The following ANKRD28 variants were observed in gnomAD, a reference collection of about 807,000 sequenced individuals.
The protein encoded by ANKRD28 is serine/threonine-protein phosphatase 6 regulatory ankyrin repeat subunit A.
ANKRD28 carries 44 observed loss-of-function variants against 126.5 expected under a neutral mutation model. The observed-to-expected ratio is 0.35, with a 90% CI of 0.27 to 0.45. The LOEUF (loss-of-function observed/expected upper bound fraction) is 0.45. Ranked by LOEUF, ANKRD28 falls within the 20% of genes least tolerant of loss-of-function variation. The pLI is 1.00. For missense variants in ANKRD28, 1,110 were observed against 1,316.6 expected (o/e 0.84, Z 2.43); for synonymous variants, 442 against 468.5 (o/e 0.94, Z 0.73).
rs772230448 is a variant in ANKRD28, at chr3:15,816,418, G to C, written c.28-21112C>G. Among the ~76,000 whole-genome samples the C allele has an allele frequency of 9.2e-5, 14 of 151,852 alleles. No homozygotes were observed. Among genetic ancestry groups the C allele is most frequent in the Non-Finnish European group, 1.8e-4 (12 of 67,972 alleles). On this transcript the variant is annotated intron_variant, in intron 1 of 27. Coordinates refer to the ANKRD28 transcript ENST00000399451. The surrounding 1 kb of genome is among the most constrained non-coding windows in gnomAD (Gnocchi z 5.0). ...TTCCTTTTCCCTGATTTGTAATATG[G>C]GGTTATTAAGACCAGCTTAAGTTAA... is the stretch of plus-strand genomic sequence containing the variant.
intron 14 of ANKRD28, among the ~76,000 whole-genome samples, chr3:15,699,642 C>G (rs2070250675): frequency 6.6e-6 from 1 of 152,214 alleles, no homozygotes; most frequent in African/African-American, 2.4e-5. Context: ...AAATGCTCAT[C>G]ATCACTGGTC....
At chr3:15,705,197 C>T (rs1185853689) in intron 14 of ANKRD28, among the ~76,000 whole-genome samples, 2 of 152,116 alleles carry the variant, frequency 1.3e-5, no homozygotes, top group African/African-American at 4.8e-5. Context: ...TTGCTCAAAA[C>T]CGTTTATATT....
rs1455610788 is a variant in ANKRD28, at chr3:15,846,765, G to GA, written c.27+12611dup. 6.6e-6 allele frequency among the ~76,000 whole-genome samples: 1 copy of GA among 152,182 alleles called. No homozygotes were observed. On this transcript the variant is annotated intron_variant, in intron 1 of 27. Transcript: ENST00000399451. The surrounding 1 kb of genome is among the most constrained non-coding windows in gnomAD (Gnocchi z 5.4). ...GAGGAGGCTGGAGACAACCCAGGCTGAAAGAAGTTCAGTTCTCTTTGACCC... is the reference window on the plus strand; with the variant it reads ...GAGGAGGCTGGAGACAACCCAGGCTGAAAAGAAGTTCAGTTCTCTTTGACCC...
At chr3:15,736,954 T>A (rs2125134225) in intron 5 of ANKRD28, 79 bp downstream of exon 5, 1 of 1,433,632 alleles carries the variant, frequency 7.0e-7, no homozygotes, top group Non-Finnish European at 9.7e-7. Flanking sequence ...GCCTTTACTA[T>A]GCAAAAATGC....
chr3:15,819,203 G>A (rs2060892195), intron 1 of ANKRD28, among the ~76,000 whole-genome samples: 1 of 152,158 alleles, frequency 6.6e-6, no homozygotes, highest in Non-Finnish European at 1.5e-5. Context: ...GCTTGAGCCT[G>A]GGAGGTCAAA....
chr3:15,790,534 T>A (rs2059979318), intron 2 of ANKRD28, among the ~76,000 whole-genome samples: 1 of 151,946 alleles, frequency 6.6e-6, no homozygotes, highest in South Asian at 2.1e-4. Context: ...AAATAAAGAA[T>A]AACCATATGA....
intron 1 of ANKRD28, among the ~76,000 whole-genome samples, chr3:15,813,031 G>T (rs1332123084): frequency 6.8e-6 from 1 of 147,286 alleles, no homozygotes; most frequent in Non-Finnish European, 1.5e-5. Flanking sequence ...CAACATAACA[G>T]CTTTTTAATC....
upstream of ANKRD28, among the ~76,000 whole-genome samples, chr3:15,802,272 C>A (rs1258882163): frequency 6.6e-6 from 1 of 152,142 alleles, no homozygotes; most frequent in Non-Finnish European, 1.5e-5. Context: ...CAAACAAGGA[C>A]CATAGTCTAG....
Position 15,817,885 on chromosome 3 carries a change from G to GA in ANKRD28, c.28-22580dup, listed in dbSNP as rs2060865042. Among the ~76,000 whole-genome samples, 1 of 152,032 alleles carries GA rather than the reference G, an allele frequency of 6.6e-6. No individual in the cohort carries two copies. Among genetic ancestry groups the GA allele is most frequent in the Non-Finnish European group, 1.5e-5 (1 of 68,008 alleles). On this transcript the variant is annotated intron_variant, in intron 1 of 27. Transcript: ENST00000399451. The surrounding 1 kb of genome is among the most constrained non-coding windows in gnomAD (Gnocchi z 4.5). ...GATTGTCTTTATAGAAGATTCCATG[G>GA]AATCTATTAAAAAATGCCTAGAATT...
In ANKRD28 at chr3:15,843,474, T is replaced by C. The variant is rs1260051456; in HGVS notation, c.27+15903A>G. Among the ~76,000 whole-genome samples, 3 of 151,820 alleles carry C rather than the reference T, an allele frequency of 2.0e-5. No individual in the cohort carries two copies. The highest frequency in any genetic ancestry group is 2.9e-5 in the Non-Finnish European group (2 of 67,986). On this transcript the variant is annotated intron_variant, in intron 1 of 27. Coordinates refer to the ANKRD28 transcript ENST00000399451. This position sits in a 1 kb window ranked among gnomAD's most constrained non-coding sequence, Gnocchi z 5.2. The stretch of plus-strand genomic sequence containing the variant: ...CCGGACACCAATATACAACAATATG[T>C]AGTGGCAGGAGGAGAAGTACAAAAA...
chr3:15,718,056 A>G (rs546947700), intron 8 of ANKRD28, among the ~76,000 whole-genome samples: 1 of 152,298 alleles, frequency 6.6e-6, no homozygotes, highest in South Asian at 2.1e-4. Flanking sequence ...GTGTCCCCAT[A>G]GTCAATCAAT....
chr3:15,688,282 A>C (rs1313970876), intron 18 of ANKRD28, among the ~76,000 whole-genome samples: 1 of 152,204 alleles, frequency 6.6e-6, no homozygotes. Context: ...CATCCAGTGT[A>C]CAAAATTGAT....
chr3:15,772,126 G>C (rs1449262006), intron 2 of ANKRD28, among the ~76,000 whole-genome samples: 1 of 151,798 alleles, frequency 6.6e-6, no homozygotes, highest in African/African-American at 2.4e-5. Flanking sequence ...CAGAAAAGAA[G>C]GTCTTAAATC....
At chr3:15,697,005 C>A (rs952678794) in intron 14 of ANKRD28, among the ~76,000 whole-genome samples, 2 of 152,222 alleles carry the variant, frequency 1.3e-5, no homozygotes, top group South Asian at 4.1e-4. Flanking sequence ...TATAGCAGTA[C>A]AATTCGCAAT....
intron 1 of ANKRD28, among the ~76,000 whole-genome samples, chr3:15,803,599 G>C (rs1272386548): frequency 6.9e-6 from 1 of 144,424 alleles, no homozygotes; most frequent in Non-Finnish European, 1.5e-5. Context: ...CCTGGCGACA[G>C]AGCGAGACTC....
At chr3:15,694,654 T>C in intron 17 of ANKRD28, 85 bp downstream of exon 17, 2 of 1,156,592 alleles carry the variant, frequency 1.7e-6, no homozygotes, top group Non-Finnish European at 1.3e-6. Flanking sequence ...AAGTTTATGG[T>C]ACTAGTTTGA....
chr3:15,851,534 ACT>A (rs1189618433), intron 1 of ANKRD28, among the ~76,000 whole-genome samples: 1 of 150,032 alleles, frequency 6.7e-6, no homozygotes, highest in African/African-American at 2.5e-5. Context: ...ACAAAGTGAG[ACT>A]CTGTGTCAAA....
Position 15,814,242 on chromosome 3 carries a change from T to A in ANKRD28, c.28-18936A>T, listed in dbSNP as rs1342936606. The A allele has an allele frequency of 8.0e-7, 1 of 1,245,974 alleles. No homozygotes were observed. Among genetic ancestry groups the A allele is most frequent in the East Asian group, 6.0e-5 (1 of 16,784 alleles). 77.2% of individuals were successfully genotyped at this position (1,245,974 alleles called of 1,614,324 possible). A position where few individuals can be genotyped will look rare whatever the true frequency, so the allele number is the denominator to read the frequency against. On this transcript the variant is annotated intron_variant, in intron 1 of 27. Coordinates refer to the ANKRD28 transcript ENST00000399451. The surrounding 1 kb of genome is among the most constrained non-coding windows in gnomAD (Gnocchi z 4.7). ...GAGACTACTAGAAAATAACCTACCATAATAGGAATTCCCATACTATTTTCC... is the reference window on the plus strand; with the variant it reads ...GAGACTACTAGAAAATAACCTACCAAAATAGGAATTCCCATACTATTTTCC...
At chr3:15,716,807 CT>C (rs2073124245) in intron 8 of ANKRD28, among the ~76,000 whole-genome samples, 3 of 152,088 alleles carry the variant, frequency 2.0e-5, no homozygotes, top group Non-Finnish European at 4.4e-5. Context: ...TTTTAAAACA[CT>C]TCATATGGTC....
Sources: allele counts gnomAD v4.1 joint callset (sites outside exome capture counted in the v4.1 genomes callset), GRCh38; gene constraint gnomAD v4.1.1; non-coding constraint Gnocchi (gnomAD v3.1); transcripts MANE v1.5; gene names NCBI Gene and HGNC (gene_info 2026-07-23, HGNC 2026-07-21).